The following EPB41L3 variants were observed in gnomAD, a reference collection of about 807,000 sequenced individuals.
EPB41L3 encodes the protein band 4.1-like protein 3.
Under a neutral mutation model 127.1 loss-of-function variants are expected in EPB41L3, and 57 were observed. The observed-to-expected ratio is 0.45, with a 90% CI of 0.36 to 0.56. EPB41L3 has a LOEUF of 0.56. EPB41L3 is among the 20% of genes least tolerant of loss of function. The pLI, the probability that EPB41L3 is intolerant of heterozygous loss-of-function variation, is 0.00. For synonymous variants in EPB41L3, 572 were observed against 549.5 expected, an observed-to-expected ratio of 1.04 and a Z score of -0.57; for missense variants, 1,273 against 1,372.2, an observed-to-expected ratio of 0.93 and a Z score of 1.14.
At chr18:5,455,124 T>C (rs923801955) in intron 3 of EPB41L3, among the ~76,000 whole-genome samples, 11 of 152,176 alleles carry the variant, frequency 7.2e-5, no homozygotes, top group Non-Finnish European at 1.2e-4. Context: ...GCCTAACTCA[T>C]GGGAAGCATC....
intron 3 of EPB41L3, among the ~76,000 whole-genome samples, chr18:5,550,989 A>G (rs2093955704): frequency 6.6e-6 from 1 of 152,144 alleles, no homozygotes; most frequent in African/African-American, 2.4e-5. Context: ...ATCTGCTTAG[A>G]TTTATACAAG....
At chr18:5,553,363 G>C (rs1053335087) in intron 3 of EPB41L3, among the ~76,000 whole-genome samples, 2 of 152,136 alleles carry the variant, frequency 1.3e-5, no homozygotes, top group Non-Finnish European at 2.9e-5. Context: ...AGGCAAATGA[G>C]AGGTTGAGTA....
At chr18:5,568,166 T>C (rs904435162) in intron 3 of EPB41L3, among the ~76,000 whole-genome samples, 4 of 152,054 alleles carry the variant, frequency 2.6e-5, no homozygotes, top group African/African-American at 9.7e-5. Flanking sequence ...AAAGATAACA[T>C]AAAAGTGATG....
At chr18:5,421,887 T>C (rs1474672874) in intron 11 of EPB41L3, among the ~76,000 whole-genome samples, 27 of 152,008 alleles carry the variant, frequency 1.8e-4, no homozygotes, top group Admixed American at 1.7e-3. Flanking sequence ...ACTACTCAGG[T>C]GACAGGTGCA....
chr18:5,434,712 T>G (rs1371967087), intron 6 of EPB41L3, among the ~76,000 whole-genome samples: 2 of 152,234 alleles, frequency 1.3e-5, no homozygotes, highest in East Asian at 3.8e-4. Flanking sequence ...TATAAAAGAC[T>G]AGCACATACA....
chr18:5,589,455 TTAATA>T (rs2094467039), intron 3 of EPB41L3, among the ~76,000 whole-genome samples: 1 of 152,164 alleles, frequency 6.6e-6, no homozygotes, highest in Non-Finnish European at 1.5e-5. Context: ...AGCAAGTAAT[TTAATA>T]TATCTTTTTT....
chr18:5,511,391 G>GTTTTTTTTTTT lies in EPB41L3; in HGVS notation c.-11-22208_-11-22198dup, dbSNP rs1190047630. On this transcript the variant is annotated intron_variant, in intron 1 of 22. Coordinates refer to ENST00000341928, the MANE Select transcript of EPB41L3 (RefSeq NM_012307.5). Reference sequence around the variant, plus strand: ...CTTTAATAGCTGTGGAGGTATTTTGGTTTTTTTTTTTTTTTTTTTTTTTTT... The same window carrying GTTTTTTTTTTT: ...CTTTAATAGCTGTGGAGGTATTTTGGTTTTTTTTTTTTTTTTTTTTTTTTTTTTTTTTTTTT... Among the ~76,000 whole-genome samples, 42 of 59,804 alleles carry GTTTTTTTTTTT rather than the reference G, an allele frequency of 7.0e-4. 3 individuals carry two copies. The highest frequency in any genetic ancestry group is 2.0e-3 in the African/African-American group (29 of 14,698). 39.2% of individuals were successfully genotyped at this position (59,804 alleles called of 152,430 possible). A position where few individuals can be genotyped will look rare whatever the true frequency, so the allele number is the denominator to read the frequency against.
chr18:5,612,255 G>A (rs1316930387), intron 3 of EPB41L3: 2 of 152,200 alleles, frequency 1.3e-5, no homozygotes, highest in African/African-American at 2.4e-5. Context: ...ATTAATTCAA[G>A]AAATTTTGTC....
intron 3 of EPB41L3, among the ~76,000 whole-genome samples, chr18:5,564,909 G>A (rs1194349597): frequency 6.6e-6 from 1 of 152,044 alleles, no homozygotes; most frequent in Non-Finnish European, 1.5e-5. Flanking sequence ...TACCTGATTC[G>A]GCTTTTTAAA....
intron 3 of EPB41L3, among the ~76,000 whole-genome samples, chr18:5,582,831 C>T (rs992549776): frequency 1.3e-5 from 2 of 152,210 alleles, no homozygotes; most frequent in South Asian, 2.1e-4. Context: ...ATGACAGGGG[C>T]TGTCACATAG....
intron 3 of EPB41L3, among the ~76,000 whole-genome samples, chr18:5,610,705 GA>G (rs1555819927): frequency 1.8e-5 from 1 of 56,728 alleles, no homozygotes; most frequent in Admixed American, 2.8e-4. Context: ...CACTCACAAA[GA>G]ATATAAATTA....
At chr18:5,532,890 T>A (rs1193592556) in intron 1 of EPB41L3, among the ~76,000 whole-genome samples, 1 of 151,784 alleles carries the variant, frequency 6.6e-6, no homozygotes, top group Non-Finnish European at 1.5e-5. Flanking sequence ...GACAAGGAGA[T>A]CAAGCTGGAA....
intron 3 of EPB41L3, among the ~76,000 whole-genome samples, chr18:5,561,883 C>A (rs1418514718): frequency 6.6e-6 from 1 of 152,164 alleles, no homozygotes; most frequent in Non-Finnish European, 1.5e-5. Context: ...AGATTCTTTC[C>A]CAAGATGCAT....
chr18:5,606,892 C>CTCTG (rs2094660581), intron 3 of EPB41L3, among the ~76,000 whole-genome samples: 1 of 149,908 alleles, frequency 6.7e-6, no homozygotes, highest in African/African-American at 2.5e-5. Flanking sequence ...TTCTCTCTCT[C>CTCTG]TCTCTCTCTC....
At chr18:5,465,968 C>A (rs1398954208) in intron 3 of EPB41L3, among the ~76,000 whole-genome samples, 7 of 118,206 alleles carry the variant, frequency 5.9e-5, no homozygotes, top group East Asian at 2.3e-4. Context: ...ATTACCACCA[C>A]CAACAAAAAA....
intron 1 of EPB41L3, among the ~76,000 whole-genome samples, chr18:5,537,721 T>C (rs527872410): frequency 3.9e-5 from 6 of 152,288 alleles, no homozygotes; most frequent in African/African-American, 1.4e-4. Flanking sequence ...GCAGGTCTCT[T>C]GACTTCTGGA....
chr18:5,487,100 AT>A (rs1040748616), intron 2 of EPB41L3, among the ~76,000 whole-genome samples: 48 of 152,324 alleles, frequency 3.2e-4, no homozygotes, highest in African/African-American at 1.2e-3. Context: ...AGAAGAATGA[AT>A]TTTTAGAAAG....
In EPB41L3 at chr18:5,428,428, G is replaced by A; in HGVS notation, c.950C>T (p.Ala317Val). Reference sequence around the variant, plus strand: ...GTCGCGATATATCAACAGACCACTTGCACAAACTCCTAACATAATTTCTAC... The same window carrying A: ...GTCGCGATATATCAACAGACCACTTACACAAACTCCTAACATAATTTCTAC... ...EGVEIMLGVC[A>V]SGLLIYRDRL... Residue 317 changes from alanine (A) to valine (V), a missense_variant, in exon 9 of 23, where the codon GCA (alanine) becomes GTA (valine). Ala to Val is a moderately conservative substitution (Grantham distance 64). Transcript: ENST00000341928. 1 of 1,614,152 alleles carries A rather than the reference G, an allele frequency of 6.2e-7. No individual in the cohort carries two copies. Among genetic ancestry groups the A allele is most frequent in the Non-Finnish European group, 8.5e-7 (1 of 1,180,030 alleles).
chr18:5,529,934 G>A (rs1231502578), intron 1 of EPB41L3, among the ~76,000 whole-genome samples: 1 of 146,422 alleles, frequency 6.8e-6, no homozygotes, highest in Non-Finnish European at 1.5e-5. Flanking sequence ...ATATATGTGT[G>A]TGTGTGTGTG....
Sources: gnomAD v4.1 joint callset for allele counts (sites outside exome capture counted in the v4.1 genomes callset) on GRCh38, gnomAD v4.1.1 for gene constraint, MANE v1.5 for transcripts, NCBI Gene and HGNC (gene_info 2026-07-23, HGNC 2026-07-21) for gene names.